Variants in MDH1B observed in about 807,000 individuals in gnomAD.
MDH1B encodes the protein putative malate dehydrogenase 1B.
Under a neutral mutation model 61.4 loss-of-function variants are expected in MDH1B, and 60 were observed. The observed-to-expected ratio is 0.98, with a 90% CI of 0.79 to 1.21. The LOEUF is 1.21. Ranked by LOEUF, MDH1B falls within the 50% of genes most tolerant of loss-of-function variation. The pLI, the probability that MDH1B is intolerant of heterozygous loss-of-function variation, is 0.00. For synonymous variants in MDH1B, 236 were observed against 218.7 expected, an observed-to-expected ratio of 1.08 and a Z score of -0.70; for missense variants, 587 against 632.1, an observed-to-expected ratio of 0.93 and a Z score of 0.76.
chr2:206,750,812 AT>A (rs1688391695), intron 6 of MDH1B, 121 bp downstream of exon 6: 1 of 789,172 alleles, frequency 1.3e-6, no homozygotes, highest in Admixed American at 3.8e-5. Context: ...GCATGAACAA[AT>A]ATGAGTGTGA....
intron 4 of MDH1B, 56 bp downstream of exon 4, chr2:206,756,842 G>A: frequency 1.9e-6 from 3 of 1,583,266 alleles, no homozygotes; most frequent in East Asian, 4.5e-5. Flanking sequence ...CCATCTCATT[G>A]TCCTTTCTAA....
intron 10 of MDH1B, among the ~76,000 whole-genome samples, chr2:206,739,886 A>G (rs1687710421): frequency 6.6e-6 from 1 of 152,150 alleles, no homozygotes; most frequent in Admixed American, 6.5e-5. Flanking sequence ...ATGTTCAGTC[A>G]ACTGCTCAGT....
intron 10 of MDH1B, 83 bp downstream of exon 10, chr2:206,740,971 C>T: frequency 6.3e-7 from 1 of 1,578,052 alleles, no homozygotes; most frequent in Admixed American, 1.8e-5. Context: ...GTCGCTAGAC[C>T]ATAACATTAT....
At chr2:206,754,110 AAATTAT>A (rs1688613958) in intron 5 of MDH1B, among the ~76,000 whole-genome samples, 1 of 152,220 alleles carries the variant, frequency 6.6e-6, no homozygotes, top group African/African-American at 2.4e-5. Context: ...AGAATACCGG[AAATTAT>A]TATTTACAGT....
chr2:206,762,083 T>G (rs1369080966), intron 1 of MDH1B, among the ~76,000 whole-genome samples: 1 of 152,122 alleles, frequency 6.6e-6, no homozygotes, highest in Non-Finnish European at 1.5e-5. Flanking sequence ...ACCTTTAAAA[T>G]TCATGGTCAC....
chr2:206,738,562 T>C (rs1388779460), intron 11 of MDH1B, 51 bp from the exon 12 acceptor site: 14 of 1,335,390 alleles, frequency 1.0e-5, no homozygotes, highest in Non-Finnish European at 1.5e-5. Flanking sequence ...AATATGTTAG[T>C]AGCATATGTT....
At chr2:206,759,207 C>T (rs1324548556) in intron 2 of MDH1B, among the ~76,000 whole-genome samples, 1 of 152,024 alleles carries the variant, frequency 6.6e-6, no homozygotes, top group Non-Finnish European at 1.5e-5. Flanking sequence ...ATCATTTAGC[C>T]CCCACTTCTA....
intron 11 of MDH1B, 70 bp from the exon 12 acceptor site, chr2:206,738,581 C>G (rs375802063): frequency 8.5e-7 from 1 of 1,172,624 alleles, no homozygotes; most frequent in Non-Finnish European, 1.2e-6. Context: ...TTATTATTAG[C>G]TTTTTTGTTT....
At chr2:206,760,870 G>T in intron 2 of MDH1B, 31 bp downstream of exon 2, 1 of 1,244,228 alleles carries the variant, frequency 8.0e-7, no homozygotes, top group Non-Finnish European at 1.2e-6. Context: ...TTGTGCATGA[G>T]TGAGTTCAAC....
chr2:206,755,500 G>A lies in MDH1B; in HGVS notation c.419C>T (p.Ser140Phe). ...NPLQVWITSA[S>F]APACYNLIPI... Reference sequence around the variant, plus strand: ...AATTAGGTTGTAGCAGGCAGGAGCAGAGGCACTGATAAAAATGCAAAGCCG... The same window carrying A: ...AATTAGGTTGTAGCAGGCAGGAGCAAAGGCACTGATAAAAATGCAAAGCCG... Residue 140 changes from serine (S) to phenylalanine (F), a missense_variant, in exon 5 of 12, where the codon TCT becomes TTT. Transcript: ENST00000374412. The A allele has an allele frequency of 6.2e-7, 1 of 1,609,696 alleles. No homozygotes were observed. Among genetic ancestry groups the A allele is most frequent in the Non-Finnish European group, 8.5e-7 (1 of 1,177,498 alleles).
intron 2 of MDH1B, 86 bp downstream of exon 2, chr2:206,760,815 C>T (rs915720032): frequency 6.9e-6 from 5 of 721,602 alleles, no homozygotes; most frequent in African/African-American, 1.8e-5. Flanking sequence ...TTCCTAGAAG[C>T]CAGTCTAATA....
Position 206,755,268 on chromosome 2 carries a change from G to A in MDH1B, c.651C>T (p.Ser217=). ...CCAGAGTGAACACCTCCTTGTTGGT[G>A]CTGTCATCCAGCACCACAATGACGT... is the stretch of plus-strand genomic sequence containing the variant. The part of the protein sequence containing the change: ...QAHVIVVLDD[S]TNKEVFTLED... Residue 217 remains serine, a synonymous_variant, in exon 5 of 12, where the codon AGC becomes AGT. Transcript: ENST00000374412. 4 of 1,614,180 alleles carry A rather than the reference G, an allele frequency of 2.5e-6. No individual in the cohort carries two copies. Among genetic ancestry groups the A allele is most frequent in the Non-Finnish European group, 3.4e-6 (4 of 1,180,042 alleles).
rs1362749911 is a variant in MDH1B, at chr2:206,741,226, C to T, written c.1409-122G>A. The T allele has an allele frequency of 1.0e-5, 13 of 1,299,118 alleles. No homozygotes were observed. In the Middle Eastern group the frequency reaches 5.6e-4, roughly 56 times the overall value. The allele number at this position is 1,299,118 out of a possible 1,614,324, so 80.5% of individuals were successfully genotyped here. A position where few individuals can be genotyped will look rare whatever the true frequency, so the allele number is the denominator to read the frequency against. On this transcript the variant is annotated intron_variant, in intron 9 of 11. Coordinates refer to ENST00000374412, the MANE Select transcript of MDH1B (RefSeq NM_001039845.3). The stretch of plus-strand genomic sequence containing the variant: ...AGTGACTATGACCCACAATAAAAGA[C>T]ACATTTTACATTATAGTCCAATGTG...
At chr2:206,740,598 A>G (rs1687753176) in intron 10 of MDH1B, among the ~76,000 whole-genome samples, 1 of 152,184 alleles carries the variant, frequency 6.6e-6, no homozygotes, top group Non-Finnish European at 1.5e-5. Flanking sequence ...TACATTATAA[A>G]TTATATATAT....
At position 206,737,840 on chromosome 2, in the gene MDH1B, A is replaced by C. The variant is rs1687572477; in HGVS notation, c.*643T>G. 1 of 152,230 alleles carries C rather than the reference A, an allele frequency of 6.6e-6. No individual in the cohort carries two copies. Among genetic ancestry groups the C allele is most frequent in the South Asian group, 2.1e-4 (1 of 4,834 alleles). The allele number at this position is 152,230 out of a possible 1,614,324, so 9.4% of individuals were successfully genotyped here. ...AACCTATTCAATCTAAGCTTTAAAA[A>C]AGTGTGATTTATTGTACAGACCTTT... On this transcript the variant is annotated 3_prime_UTR_variant, in exon 12 of 12. Transcript: ENST00000374412.
chr2:206,761,049 C>T (rs776791129), intron 1 of MDH1B, 36 bp from the exon 2 acceptor site: 7 of 1,145,548 alleles, frequency 6.1e-6, no homozygotes, highest in Non-Finnish European at 9.1e-6. Flanking sequence ...TTTCTTTCAT[C>T]ATGCAGAAAT....
Position 206,749,176 on chromosome 2 carries a change from C to G in MDH1B, c.1060G>C (p.Val354Leu). ...VLNLIFDSEWVKREFVAILKN... is the reference protein window; with the variant it reads ...VLNLIFDSEWLKREFVAILKN... ...AGAATTGCCACAAATTCTCTTTTTA[C>G]CCACTCACTGTAAGGAGAGAAAGAA... Residue 354 changes from valine (V) to leucine (L), a missense_variant, in exon 7 of 12, where the codon GTA (valine) becomes CTA (leucine). Val to Leu is a conservative substitution (Grantham distance 32). Coordinates refer to ENST00000374412, the MANE Select transcript of MDH1B (RefSeq NM_001039845.3). The G allele has an allele frequency of 6.2e-7, 1 of 1,613,830 alleles. No homozygotes were observed. Among genetic ancestry groups the G allele is most frequent in the Non-Finnish European group, 8.5e-7 (1 of 1,179,856 alleles).
At chr2:206,745,730 C>CTTTT (rs140066038) in intron 8 of MDH1B, 57 bp from the exon 9 acceptor site, 437 of 747,972 alleles carry the variant, frequency 5.8e-4, no homozygotes, top group South Asian at 1.4e-3. Flanking sequence ...CTTAATTCTT[C>CTTTT]TTTTTTTTTT....
intron 9 of MDH1B, 81 bp from the exon 10 acceptor site, chr2:206,741,185 AT>A (rs1687788683): frequency 6.3e-7 from 1 of 1,576,660 alleles, no homozygotes; most frequent in Non-Finnish European, 8.6e-7. Context: ...TTCTGAGTCA[AT>A]GTTTTTCAAA....
Sources: gnomAD v4.1 joint callset for allele counts (sites outside exome capture counted in the v4.1 genomes callset) on GRCh38, gnomAD v4.1.1 for gene constraint, MANE v1.5 for transcripts, NCBI Gene and HGNC (gene_info 2026-07-23, HGNC 2026-07-21) for gene names.